The following CNTN4 variants were observed in gnomAD, a reference collection of about 807,000 sequenced individuals.
The protein encoded by CNTN4 is contactin-4.
A neutral mutation model predicts 122.5 loss-of-function variants in CNTN4; 77 were observed. That is an observed-to-expected ratio of 0.63 (90% confidence interval 0.52 to 0.76). The LOEUF is 0.76. Ranked by LOEUF, CNTN4 falls within the 30% of genes least tolerant of loss-of-function variation. The pLI, the probability that CNTN4 is intolerant of heterozygous loss-of-function variation, is 0.00. For synonymous variants in CNTN4, 512 were observed against 447.0 expected (o/e 1.15, Z -1.83); for missense variants, 1,256 against 1,259.1 (o/e 1.00, Z 0.04).
At chr3:2,359,132 G>A (rs2044604) in intron 3 of CNTN4, among the ~76,000 whole-genome samples, 102,756 of 152,082 alleles carry the variant, frequency 0.68, 34,918 homozygotes, top group East Asian at 0.86. Context: ...TAATCAACCT[G>A]TGACAGCCCT....
At chr3:3,033,565 A>G (rs1699361959) in intron 16 of CNTN4, among the ~76,000 whole-genome samples, 1 of 152,064 alleles carries the variant, frequency 6.6e-6, no homozygotes, top group South Asian at 2.1e-4. Context: ...AGTACATTTG[A>G]TTGCTAGACT....
In CNTN4 at chr3:2,385,672, C is replaced by A. The variant is rs532128885; in HGVS notation, c.-89+46439C>A. On this transcript the variant is annotated intron_variant, in intron 3 of 24. Coordinates refer to ENST00000418658, the MANE Select transcript of CNTN4 (RefSeq NM_175607.3). The surrounding 1 kb of genome is among the most constrained non-coding windows in gnomAD (Gnocchi z 4.0). ...GCATAACTCCAAGCTCATCTCTCAT[C>A]CTCCATCTTCACATGCTGCATTCCC... is the stretch of plus-strand genomic sequence containing the variant. Among the ~76,000 whole-genome samples, 1 of 152,042 alleles carries A rather than the reference C, an allele frequency of 6.6e-6. No homozygotes were observed. Among genetic ancestry groups the A allele is most frequent in the Non-Finnish European group, 1.5e-5 (1 of 68,024 alleles).
intron 7 of CNTN4, among the ~76,000 whole-genome samples, chr3:2,821,431 G>A (rs376114575): frequency 1.8e-4 from 28 of 152,294 alleles, no homozygotes; most frequent in African/African-American, 5.3e-4. Flanking sequence ...AAGACAAAAG[G>A]CAATGATTTG....
intron 12 of CNTN4, among the ~76,000 whole-genome samples, chr3:2,903,564 A>G (rs958664179): frequency 3.9e-5 from 6 of 152,158 alleles, no homozygotes; most frequent in Admixed American, 3.9e-4. Context: ...TACTGAGTGC[A>G]TCGTCTGCCT....
intron 4 of CNTN4, among the ~76,000 whole-genome samples, chr3:2,576,878 G>C (rs1269658543): frequency 6.6e-6 from 1 of 152,086 alleles, no homozygotes; most frequent in African/African-American, 2.4e-5. Context: ...TTTAACTATA[G>C]CTGGGGTAGA....
intron 4 of CNTN4, among the ~76,000 whole-genome samples, chr3:2,628,121 T>C (rs927566387): frequency 6.6e-6 from 1 of 152,212 alleles, no homozygotes; most frequent in African/African-American, 2.4e-5. Context: ...ACCCCTTCCA[T>C]TGTAAGCCGT....
chr3:2,191,076 A>G (rs1367653892), intron 2 of CNTN4, among the ~76,000 whole-genome samples: 1 of 151,902 alleles, frequency 6.6e-6, no homozygotes, highest in Non-Finnish European at 1.5e-5. Context: ...GCTTACTGGC[A>G]TAATGTATTT....
intron 6 of CNTN4, among the ~76,000 whole-genome samples, chr3:2,755,764 G>A (rs1363375194): frequency 6.6e-6 from 1 of 152,172 alleles, no homozygotes; most frequent in Admixed American, 6.5e-5. Context: ...AAGGTTCTGA[G>A]AGTATGATAT....
chr3:2,844,185 C>T (rs1037301127), intron 7 of CNTN4, among the ~76,000 whole-genome samples: 15 of 152,180 alleles, frequency 9.9e-5, no homozygotes, highest in Non-Finnish European at 2.1e-4. Flanking sequence ...TGCTCATTTC[C>T]ACCCCTTCCC....
At chr3:2,525,960 C>T (rs561515641) in intron 3 of CNTN4, among the ~76,000 whole-genome samples, 12 of 152,174 alleles carry the variant, frequency 7.9e-5, no homozygotes, top group African/African-American at 2.6e-4. Flanking sequence ...AAATAAAGGT[C>T]TTAACAAGGT....
intron 6 of CNTN4, among the ~76,000 whole-genome samples, chr3:2,810,482 C>T (rs996957515): frequency 3.9e-5 from 6 of 152,020 alleles, no homozygotes; most frequent in East Asian, 1.9e-4. Flanking sequence ...GGAGAATAAC[C>T]TCCAATTTTG....
At chr3:3,049,088 T>A (rs1391950270) in intron 23 of CNTN4, among the ~76,000 whole-genome samples, 1 of 152,160 alleles carries the variant, frequency 6.6e-6, no homozygotes, top group Admixed American at 6.5e-5. Flanking sequence ...TATATTTTAT[T>A]TTGTTGTATT....
rs568476173 is a variant in CNTN4 at position 2,451,385 on chromosome 3, A to T, written c.-89+112152A>T. Among the ~76,000 whole-genome samples, 265 of 151,564 alleles carry T rather than the reference A, an allele frequency of 1.7e-3. 4 individuals carry two copies. The highest frequency in any genetic ancestry group is 6.2e-3 in the African/African-American group (258 of 41,408). On this transcript the variant is annotated intron_variant, in intron 3 of 24. Transcript: ENST00000418658. ...AAGCTTCATACATTTTATTTTCATTATGATTTGAAATGAGAGGAATATGGT... is the reference window on the plus strand; with the variant it reads ...AAGCTTCATACATTTTATTTTCATTTTGATTTGAAATGAGAGGAATATGGT...
intron 7 of CNTN4, among the ~76,000 whole-genome samples, chr3:2,839,786 C>T (rs1420199892): frequency 6.6e-6 from 1 of 152,178 alleles, no homozygotes. Context: ...ATGGGTTACA[C>T]TTGACATCTC....
chr3:2,214,007 C>G (rs764744106), intron 2 of CNTN4, among the ~76,000 whole-genome samples: 2 of 152,112 alleles, frequency 1.3e-5, no homozygotes, highest in Admixed American at 6.6e-5. Context: ...ATCATGTCAT[C>G]TAGTGGAGTA....
intron 8 of CNTN4, among the ~76,000 whole-genome samples, chr3:2,871,716 A>G (rs4685572): frequency 0.92 from 139,646 of 152,214 alleles, 64,167 homozygotes; most frequent in East Asian, 0.97. Flanking sequence ...ATATTATTTC[A>G]CTGAGGTTCA....
At chr3:2,655,783 G>T (rs2083563127) in intron 4 of CNTN4, among the ~76,000 whole-genome samples, 1 of 152,110 alleles carries the variant, frequency 6.6e-6, no homozygotes, top group African/African-American at 2.4e-5. Context: ...CTCTTTGCCA[G>T]AAGATGCTAA....
At chr3:2,290,957 A>AT (rs1193684509) in intron 2 of CNTN4, among the ~76,000 whole-genome samples, 14 of 152,354 alleles carry the variant, frequency 9.2e-5, no homozygotes, top group African/African-American at 3.1e-4. Flanking sequence ...AAAGCCTTAC[A>AT]TTATAAATTA....
chr3:2,104,075 C>T (rs1372577965), intron 2 of CNTN4, among the ~76,000 whole-genome samples: 1 of 152,292 alleles, frequency 6.6e-6, no homozygotes, highest in East Asian at 1.9e-4. Context: ...TGTAGGTAGG[C>T]ATAAATACTG....
Sources: allele counts gnomAD v4.1 joint callset (sites outside exome capture counted in the v4.1 genomes callset), GRCh38; gene constraint gnomAD v4.1.1; non-coding constraint Gnocchi (gnomAD v3.1); transcripts MANE v1.5; gene names NCBI Gene and HGNC (gene_info 2026-07-23, HGNC 2026-07-21).